The following PHF21B variants were observed in gnomAD, a reference collection of about 807,000 sequenced individuals.
PHF21B encodes PHD finger protein 4.
Under a neutral mutation model 62.2 loss-of-function variants are expected in PHF21B, and 22 were observed. The observed-to-expected ratio is 0.35, with a 90% CI of 0.25 to 0.51. The LOEUF (loss-of-function observed/expected upper bound fraction) is 0.51. Among genes scored for constraint, PHF21B ranks in the 20% least tolerant of loss-of-function variants. The pLI is 0.97. For missense variants in PHF21B, 701 were observed against 707.9 expected, an observed-to-expected ratio of 0.99 and a Z score of 0.11; for synonymous variants, 341 against 314.7, an observed-to-expected ratio of 1.08 and a Z score of -0.88.
rs2071383909 is a variant in PHF21B, at chr22:44,913,709, C to T, written c.831+113G>A. 4 of 1,407,874 alleles carry T rather than the reference C, an allele frequency of 2.8e-6. No homozygotes were observed. The South Asian group carries it at 6.2e-5, about 22-fold the overall frequency. The allele number at this position is 1,407,874 out of a possible 1,614,324, so 87.2% of individuals were successfully genotyped here. On this transcript the variant is annotated intron_variant, in intron 5 of 12. Transcript: ENST00000313237. The stretch of plus-strand genomic sequence containing the variant: ...CGCCGACTGCACAGGGCAGCTGTGC[C>T]CACGGCTTGTCGGGACCACCCCACA...
At chr22:44,891,049 G>A (rs1328792787) in intron 8 of PHF21B, among the ~76,000 whole-genome samples, 1 of 152,202 alleles carries the variant, frequency 6.6e-6, no homozygotes, top group Non-Finnish European at 1.5e-5. Flanking sequence ...ACCTGCAGAG[G>A]CCCCATCGGT....
chr22:44,972,768 CCT>C (rs1366947887), intron 2 of PHF21B, among the ~76,000 whole-genome samples: 6 of 152,232 alleles, frequency 3.9e-5, no homozygotes, highest in African/African-American at 1.4e-4. Flanking sequence ...GGATTCTGCC[CCT>C]CTCCCTGTCC....
Position 44,883,121 on chromosome 22 carries a change from G to T in PHF21B, c.1561C>A (p.His521Asn), listed in dbSNP as rs758321309. ...PWTKPSVAAT[H>N]PTVQHPQGHN is the part of the protein sequence containing the mutation. Reference sequence around the variant, plus strand: ...CCCTGGGGGTGCTGGACGGTGGGGTGTGTGGCTGCCACTGAGGGCTTGGTC... The same window carrying T: ...CCCTGGGGGTGCTGGACGGTGGGGTTTGTGGCTGCCACTGAGGGCTTGGTC... The change falls in exon 13 of 13, where the codon CAC becomes AAC. Residue 521 changes from histidine to asparagine, a missense_variant. Physicochemically the swap from His to Asn is moderately conservative, Grantham distance 68 (BLOSUM62 1). Coordinates refer to ENST00000313237, the MANE Select transcript of PHF21B (RefSeq NM_138415.5). The T allele has an allele frequency of 3.7e-6, 6 of 1,612,354 alleles. No homozygotes were observed. In the African/African-American group the frequency reaches 8.0e-5, roughly 22 times the overall value.
At chr22:44,896,623 T>C (rs1238160129) in intron 5 of PHF21B, among the ~76,000 whole-genome samples, 4 of 152,226 alleles carry the variant, frequency 2.6e-5, no homozygotes, top group African/African-American at 7.2e-5. Flanking sequence ...TTCATTTTAT[T>C]TAATAATAAA....
intron 2 of PHF21B, among the ~76,000 whole-genome samples, chr22:44,948,203 T>C (rs548981434): frequency 1.3e-5 from 2 of 152,302 alleles, no homozygotes; most frequent in East Asian, 1.9e-4. Flanking sequence ...TATTATTACA[T>C]TGTAATAGAT....
At chr22:44,998,289 A>C (rs774407441) in intron 2 of PHF21B, among the ~76,000 whole-genome samples, 7 of 152,236 alleles carry the variant, frequency 4.6e-5, no homozygotes, top group Non-Finnish European at 5.9e-5. Context: ...TCATCCATGC[A>C]GGACGCAGCA....
At chr22:44,938,515 G>C (rs1233673244) in intron 2 of PHF21B, among the ~76,000 whole-genome samples, 1 of 152,238 alleles carries the variant, frequency 6.6e-6, no homozygotes, top group African/African-American at 2.4e-5. Flanking sequence ...CTACAGGCGT[G>C]AGCCACTGCG....
intron 2 of PHF21B, among the ~76,000 whole-genome samples, chr22:44,929,754 G>A (rs1290979254): frequency 1.3e-5 from 2 of 152,234 alleles, no homozygotes; most frequent in Non-Finnish European, 2.9e-5. Flanking sequence ...TCGTTCCAAT[G>A]GTGCCACTGC....
At chr22:44,943,994 G>T (rs1425069552) in intron 2 of PHF21B, among the ~76,000 whole-genome samples, 1 of 152,174 alleles carries the variant, frequency 6.6e-6, no homozygotes, top group Admixed American at 6.5e-5. Flanking sequence ...TGGACCCTGA[G>T]GGAAGGAACA....
chr22:44,993,124 G>A (rs913482531), intron 2 of PHF21B, among the ~76,000 whole-genome samples: 1 of 152,178 alleles, frequency 6.6e-6, no homozygotes, highest in Non-Finnish European at 1.5e-5. Context: ...CCACATCCAT[G>A]TGCGGCATCT....
At chr22:44,889,897 G>A in intron 8 of PHF21B, 115 bp from the exon 9 acceptor site, 2 of 1,155,744 alleles carry the variant, frequency 1.7e-6, no homozygotes, top group Non-Finnish European at 2.4e-6. Context: ...GGCATGATGG[G>A]AGCATCATAA....
rs1381448682 is a variant in PHF21B at position 45,009,156 on chromosome 22, G to T, written c.54+340C>A. The T allele has an allele frequency of 1.1e-5, 6 of 524,206 alleles. No homozygotes were observed. Among genetic ancestry groups the T allele is most frequent in the South Asian group, 7.5e-5 (1 of 13,276 alleles). The allele number at this position is 524,206 out of a possible 1,614,324, so 32.5% of individuals were successfully genotyped here. On this transcript the variant is annotated intron_variant, in intron 1 of 12. Coordinates refer to ENST00000313237, the MANE Select transcript of PHF21B (RefSeq NM_138415.5). This position sits in a 1 kb window ranked among gnomAD's most constrained non-coding sequence, Gnocchi z 5.9. ...CGGGGGCCCGAGGGGAGGCCGGAAG[G>T]GGGCCTATTCGCACTCCCCTCCCCG... is the stretch of plus-strand genomic sequence containing the variant.
intron 6 of PHF21B, among the ~76,000 whole-genome samples, chr22:44,894,409 G>A (rs1768888198): frequency 6.6e-6 from 1 of 152,154 alleles, no homozygotes; most frequent in South Asian, 2.1e-4. Context: ...GGTTCGGAGT[G>A]GGGAAGGACC....
rs200342889 is a variant in PHF21B, at chr22:44,892,092, G to GT, written c.961-733dup. 4.8e-3 allele frequency among the ~76,000 whole-genome samples: 726 copies of GT among 152,310 alleles called. 10 individuals carry two copies. The highest frequency in any genetic ancestry group is 0.033 in the Admixed American group (500 of 15,310). ...CTGGCCTCAGACTTGGGAGCCTAGA[G>GT]TAACGCCTCGTCCACACAGCAGCCT... On this transcript the variant is annotated intron_variant, in intron 7 of 12. Transcript: ENST00000313237.
At chr22:44,957,170 C>CTGTG (rs2072316745) in intron 2 of PHF21B, among the ~76,000 whole-genome samples, 1 of 152,202 alleles carries the variant, frequency 6.6e-6, no homozygotes, top group African/African-American at 2.4e-5. Context: ...GGCTGTGGAC[C>CTGTG]CACAGCCTCT....
At chr22:44,999,937 T>C (rs776969061) in intron 2 of PHF21B, among the ~76,000 whole-genome samples, 40 of 152,162 alleles carry the variant, frequency 2.6e-4, no homozygotes, top group Non-Finnish European at 4.7e-4. Context: ...CAGAGCTTAA[T>C]GCACCACTCA....
At chr22:44,956,150 A>G (rs553954457) in intron 2 of PHF21B, among the ~76,000 whole-genome samples, 1 of 152,342 alleles carries the variant, frequency 6.6e-6, no homozygotes, top group African/African-American at 2.4e-5. Flanking sequence ...TGTGCTCTGC[A>G]CAAGCAACGT....
intron 2 of PHF21B, among the ~76,000 whole-genome samples, chr22:44,935,937 T>C (rs5766209): frequency 0.81 from 122,962 of 152,186 alleles, 49,898 homozygotes; most frequent in East Asian, 0.96. Flanking sequence ...GAGCTGAGCC[T>C]GGCGCCACGC....
intron 12 of PHF21B, 85 bp downstream of exon 12, chr22:44,885,341 G>A (rs2070837340): frequency 7.6e-7 from 1 of 1,308,758 alleles, no homozygotes; most frequent in Non-Finnish European, 1.0e-6. Flanking sequence ...TACACCTGTG[G>A]TTCTAAGGAC....
Sources: gnomAD v4.1 joint callset for allele counts (sites outside exome capture counted in the v4.1 genomes callset) on GRCh38, gnomAD v4.1.1 for gene constraint, Gnocchi (gnomAD v3.1) non-coding constraint, MANE v1.5 for transcripts, NCBI Gene and HGNC (gene_info 2026-07-23, HGNC 2026-07-21) for gene names.